Variants in PRKG1 observed in about 807,000 individuals in gnomAD.
PRKG1 encodes the protein cGMP-dependent protein kinase 1.
Under a neutral mutation model 88.1 loss-of-function variants are expected in PRKG1, and 35 were observed. The ratio of observed to expected loss-of-function variants is 0.40; its 90% CI spans 0.30 to 0.53. The LOEUF (loss-of-function observed/expected upper bound fraction) is 0.53. Ranked by LOEUF, PRKG1 falls within the 20% of genes least tolerant of loss-of-function variation. PRKG1 has a pLI of 0.59. For synonymous variants in PRKG1, 303 were observed against 292.5 expected (o/e 1.04, Z -0.37); for missense variants, 540 against 839.8 (o/e 0.64, Z 4.41).
At chr10:51,480,350 C>T (rs1318315669) in intron 3 of PRKG1, among the ~76,000 whole-genome samples, 1 of 152,096 alleles carries the variant, frequency 6.6e-6, no homozygotes, top group South Asian at 2.1e-4. Flanking sequence ...ATTTTATAAC[C>T]ATTTAGAATA....
At chr10:52,209,718 G>A (rs575122791) in intron 9 of PRKG1, among the ~76,000 whole-genome samples, 1 of 151,814 alleles carries the variant, frequency 6.6e-6, no homozygotes. Context: ...ATCACAAAGC[G>A]GCAGCACCAT....
chr10:51,487,708 C>A (rs1840589678), intron 3 of PRKG1, among the ~76,000 whole-genome samples: 1 of 152,080 alleles, frequency 6.6e-6, no homozygotes, highest in South Asian at 2.1e-4. Flanking sequence ...CGGACAAAAG[C>A]TAAGCCAAAA....
At chr10:51,667,746 G>T (rs1370255779) in intron 3 of PRKG1, among the ~76,000 whole-genome samples, 5 of 152,106 alleles carry the variant, frequency 3.3e-5, no homozygotes, top group African/African-American at 1.2e-4. Context: ...TGTCTTCAAA[G>T]TATTGTTTTC....
intron 2 of PRKG1, among the ~76,000 whole-genome samples, chr10:51,199,266 TGGTA>T: frequency 6.6e-6 from 1 of 152,316 alleles, no homozygotes; most frequent in South Asian, 2.1e-4. Flanking sequence ...TAGCAAGTAG[TGGTA>T]CCTGTGCATC....
At chr10:51,836,122 A>C (rs10823697) in intron 4 of PRKG1, among the ~76,000 whole-genome samples, 19,726 of 152,146 alleles carry the variant, frequency 0.13, 2,868 homozygotes, top group African/African-American at 0.36. Flanking sequence ...ACAATATTTC[A>C]AAATATATTA....
chr10:51,779,486 G>T (rs1047461058), intron 3 of PRKG1, among the ~76,000 whole-genome samples: 12 of 152,118 alleles, frequency 7.9e-5, no homozygotes, highest in Non-Finnish European at 1.3e-4. Flanking sequence ...AAGTATATCT[G>T]ACTCTAAAGA....
rs57104400 is a variant in PRKG1 at position 51,115,372 on chromosome 10, C to CATATATATATATAT, written c.312-37779_312-37778insTATATATATATATA. 3.6e-3 allele frequency among the ~76,000 whole-genome samples: 114 copies of CATATATATATATAT among 31,886 alleles called. 5 individuals carry two copies. The highest frequency in any genetic ancestry group is 6.0e-3 in the African/African-American group (87 of 14,490). 20.9% of individuals were successfully genotyped at this position (31,886 alleles called of 152,430 possible). A position where few individuals can be genotyped will look rare whatever the true frequency, so the allele number is the denominator to read the frequency against. The stretch of plus-strand genomic sequence containing the variant: ...GATGTTACAATAATGTTCCTTTAAA[C>CATATATATATATAT]ATATATATATATAAAACAAATGTGA... On this transcript the variant is annotated intron_variant, in intron 1 of 17. Transcript: ENST00000373980.
chr10:52,019,709 T>C (rs1166611873), intron 5 of PRKG1, among the ~76,000 whole-genome samples: 1 of 152,218 alleles, frequency 6.6e-6, no homozygotes, highest in Admixed American at 6.5e-5. Context: ...AGAGCTGTTT[T>C]AGCTTATACT....
chr10:51,106,845 A>G (rs572450311), intron 1 of PRKG1, among the ~76,000 whole-genome samples: 4 of 152,224 alleles, frequency 2.6e-5, no homozygotes, highest in Non-Finnish European at 5.9e-5. Flanking sequence ...TTTAGTGAGC[A>G]CTTAACTATC....
chr10:51,487,327 G>A (rs1484014898), intron 3 of PRKG1, among the ~76,000 whole-genome samples: 1 of 152,106 alleles, frequency 6.6e-6, no homozygotes, highest in African/African-American at 2.4e-5. Context: ...AGGATATTTT[G>A]AGTTAGTATT....
At chr10:51,008,084 A>G (rs1842958746) in intron 1 of PRKG1, among the ~76,000 whole-genome samples, 1 of 152,186 alleles carries the variant, frequency 6.6e-6, no homozygotes, top group East Asian at 1.9e-4. Flanking sequence ...ACATAGGGGA[A>G]AATTGGAGGA....
chr10:52,289,675 C>T (rs1230223599), intron 16 of PRKG1, among the ~76,000 whole-genome samples: 1 of 129,330 alleles, frequency 7.7e-6, no homozygotes, highest in East Asian at 2.3e-4. Context: ...AAACTTTAGT[C>T]TTTTTTGGTT....
At chr10:51,678,983 A>T (rs1238126836) in intron 3 of PRKG1, among the ~76,000 whole-genome samples, 1 of 152,216 alleles carries the variant, frequency 6.6e-6, no homozygotes, top group East Asian at 1.9e-4. Flanking sequence ...GGATTCATTC[A>T]TTTATAGATA....
At chr10:51,143,975 G>A (rs954961088) in intron 1 of PRKG1, among the ~76,000 whole-genome samples, 3 of 151,752 alleles carry the variant, frequency 2.0e-5, no homozygotes, top group African/African-American at 7.3e-5. Context: ...TTTTTTTGAT[G>A]TAATCATATT....
intron 3 of PRKG1, among the ~76,000 whole-genome samples, chr10:51,629,767 C>T (rs1383438604): frequency 6.6e-6 from 1 of 152,100 alleles, no homozygotes. Flanking sequence ...AAGTGGGTCG[C>T]GGATCCATTC....
chr10:51,858,701 C>A (rs1312542733), intron 4 of PRKG1, among the ~76,000 whole-genome samples: 3 of 151,398 alleles, frequency 2.0e-5, no homozygotes, highest in Non-Finnish European at 4.4e-5. Context: ...TGCCATATTC[C>A]AGGTGTGGTG....
intron 4 of PRKG1, among the ~76,000 whole-genome samples, chr10:51,832,555 A>AT (rs1198133469): frequency 6.6e-6 from 1 of 151,988 alleles, no homozygotes; most frequent in African/African-American, 2.4e-5. Flanking sequence ...GTGAGGGGAA[A>AT]TTTTTTTCCA....
chr10:51,914,391 G>C (rs924058670), intron 5 of PRKG1, among the ~76,000 whole-genome samples: 5 of 152,134 alleles, frequency 3.3e-5, no homozygotes, highest in African/African-American at 1.2e-4. Flanking sequence ...ACAAATGGGG[G>C]AGTAAAAGTT....
At chr10:51,607,724 T>G (rs6480368) in intron 3 of PRKG1, among the ~76,000 whole-genome samples, 8,159 of 152,328 alleles carry the variant, frequency 0.054, 250 homozygotes, top group Middle Eastern at 0.099. Context: ...ATTGAAATGA[T>G]GACTACATTT....
Sources: gnomAD v4.1 joint callset for allele counts (sites outside exome capture counted in the v4.1 genomes callset) on GRCh38, gnomAD v4.1.1 for gene constraint, MANE v1.5 for transcripts, NCBI Gene and HGNC (gene_info 2026-07-23, HGNC 2026-07-21) for gene names.